Variants in SUSD1 observed in about 807,000 individuals in gnomAD.
The protein encoded by SUSD1 is sushi domain containing 1, also known as sushi domain-containing protein 1.
Under a neutral mutation model 86.9 loss-of-function variants are expected in SUSD1, and 65 were observed. The observed-to-expected ratio is 0.75, with a 90% CI of 0.61 to 0.92. The LOEUF is 0.92. Among genes scored for constraint, SUSD1 ranks in the 40% least tolerant of loss-of-function variants. The pLI, the probability that SUSD1 is intolerant of heterozygous loss-of-function variation, is 0.00. For synonymous variants in SUSD1, 346 were observed against 350.0 expected, an observed-to-expected ratio of 0.99 and a Z score of 0.13; for missense variants, 850 against 929.7, an observed-to-expected ratio of 0.91 and a Z score of 1.11.
At chr9:112,122,418 T>C (rs1334548097) in intron 6 of SUSD1, among the ~76,000 whole-genome samples, 6 of 151,996 alleles carry the variant, frequency 3.9e-5, no homozygotes, top group Admixed American at 1.3e-4. Flanking sequence ...CCTTGGCCTC[T>C]CAAAGTGCTG....
chr9:112,108,497 G>C (rs1230757479), intron 8 of SUSD1, among the ~76,000 whole-genome samples: 1 of 151,924 alleles, frequency 6.6e-6, no homozygotes, highest in Non-Finnish European at 1.5e-5. Context: ...AGAAATATGG[G>C]CTGTGCACCG....
At chr9:112,093,829 G>A (rs1830294608) in intron 10 of SUSD1, among the ~76,000 whole-genome samples, 1 of 152,346 alleles carries the variant, frequency 6.6e-6, no homozygotes, top group East Asian at 1.9e-4. Context: ...AGGAACAGAT[G>A]AGGTAGGTAG....
chr9:112,058,785 CTTTGTTTT>C, intron 13 of SUSD1, 99 bp from the exon 14 acceptor site: 2 of 1,479,526 alleles, frequency 1.4e-6, no homozygotes, highest in East Asian at 4.6e-5. Flanking sequence ...AAACCTCTTT[CTTTGTTTT>C]TTTGTTTTTT....
chr9:112,073,464 ACT>A (rs968033191), intron 12 of SUSD1, among the ~76,000 whole-genome samples: 32 of 148,206 alleles, frequency 2.2e-4, no homozygotes, highest in Admixed American at 4.0e-4. Context: ...TCTCACGCTC[ACT>A]CTCTCTCTCT....
At chr9:112,107,843 C>T (rs987331838) in intron 8 of SUSD1, among the ~76,000 whole-genome samples, 5 of 152,104 alleles carry the variant, frequency 3.3e-5, no homozygotes, top group African/African-American at 1.2e-4. Context: ...CTAAGAGGAA[C>T]AGAAAATGGC....
intron 3 of SUSD1, among the ~76,000 whole-genome samples, chr9:112,147,733 C>T (rs751625728): frequency 5.3e-5 from 8 of 152,228 alleles, no homozygotes; most frequent in Admixed American, 1.3e-4. Context: ...CATGCCACTG[C>T]ACTCCAGCCT....
At chr9:112,166,724 G>A (rs945603316) in intron 1 of SUSD1, among the ~76,000 whole-genome samples, 2 of 152,118 alleles carry the variant, frequency 1.3e-5, no homozygotes, top group African/African-American at 2.4e-5. Context: ...TGGTACCCAC[G>A]TCAAGGATGG....
rs1319074758 is a variant in SUSD1, at chr9:112,113,429, G to A, written c.887-561C>T. 6.6e-6 allele frequency among the ~76,000 whole-genome samples: 1 copy of A among 152,096 alleles called. No homozygotes were observed. The highest frequency in any genetic ancestry group is 2.4e-5 in the African/African-American group (1 of 41,412). The stretch of plus-strand genomic sequence containing the variant: ...CCTGTAACTGAAGCTATTTAATCCT[G>A]GTCTATCAGGATGCCACTGATTCCT... On this transcript the variant is annotated intron_variant, in intron 6 of 16. Transcript: ENST00000374270. The surrounding 1 kb of genome is among the most constrained non-coding windows in gnomAD (Gnocchi z 4.1).
intron 5 of SUSD1, among the ~76,000 whole-genome samples, chr9:112,132,726 T>C (rs755257005): frequency 6.6e-6 from 1 of 152,258 alleles, no homozygotes; most frequent in Non-Finnish European, 1.5e-5. Flanking sequence ...GCTTATACCC[T>C]GTATTTTTAA....
intron 10 of SUSD1, among the ~76,000 whole-genome samples, chr9:112,081,407 C>T (rs1314032756): frequency 6.6e-6 from 1 of 152,120 alleles, no homozygotes; most frequent in Non-Finnish European, 1.5e-5. Context: ...AATGTTGCAA[C>T]ACGGAGCAGG....
intron 9 of SUSD1, among the ~76,000 whole-genome samples, chr9:112,100,194 T>C (rs1830571211): frequency 6.6e-6 from 1 of 152,182 alleles, no homozygotes; most frequent in Non-Finnish European, 1.5e-5. Context: ...ATTTTTTTGT[T>C]GTTGTTTTTT....
Position 112,149,246 on chromosome 9 carries a change from G to A in SUSD1, c.371C>T (p.Thr124Ile). The A allele has an allele frequency of 6.2e-7, 1 of 1,614,060 alleles. No individual in the cohort carries two copies. The highest frequency in any genetic ancestry group is 8.5e-7 in the Non-Finnish European group (1 of 1,180,012). Residue 124 changes from threonine (T) to isoleucine (I), a missense_variant and splice_region_variant, in exon 3 of 17, where the codon ACA (threonine) becomes ATA (isoleucine). By Grantham distance (89) the Thr-to-Ile change is moderately conservative. Transcript: ENST00000374270. ...TFIPNDGTFC[T>I]DIDECEVSGL... ...ACCGCAGCCCCCTTCTTGAGTACCT[G>A]TACAAAAGGTGCCATCGTTGGGAAT...
At chr9:112,047,052 G>T (rs58747592) in intron 15 of SUSD1, among the ~76,000 whole-genome samples, 3 of 152,108 alleles carry the variant, frequency 2.0e-5, no homozygotes, top group African/African-American at 7.2e-5. Context: ...CTGCTATAAA[G>T]AACTACCTGA....
chr9:112,151,316 G>T (rs1159157850), intron 2 of SUSD1, among the ~76,000 whole-genome samples: 1 of 152,156 alleles, frequency 6.6e-6, no homozygotes, highest in Non-Finnish European at 1.5e-5. Context: ...ATCTTTCTTG[G>T]CCAGGCACGT....
intron 8 of SUSD1, among the ~76,000 whole-genome samples, chr9:112,109,241 T>G (rs1680809036): frequency 6.6e-6 from 1 of 152,192 alleles, no homozygotes; most frequent in Non-Finnish European, 1.5e-5. Flanking sequence ...TTGAGAAAGT[T>G]TTCAACTTTA....
intron 1 of SUSD1, 57 bp from the exon 2 acceptor site, chr9:112,157,670 G>T: frequency 7.0e-7 from 1 of 1,426,552 alleles, no homozygotes. Context: ...GACACATGTA[G>T]TTAGTGGACA....
rs183414326 is a variant in SUSD1, at chr9:112,087,632, A to G, written c.1475-7467T>C. Among the ~76,000 whole-genome samples, 217 of 152,318 alleles carry G rather than the reference A, an allele frequency of 1.4e-3. 1 individual carries two copies. Among genetic ancestry groups the G allele is most frequent in the African/African-American group, 5.0e-3 (206 of 41,572 alleles). On this transcript the variant is annotated intron_variant, in intron 10 of 16. Coordinates refer to ENST00000374270, the MANE Select transcript of SUSD1 (RefSeq NM_022486.5). ...ATGGTGCCTAAAGAAGGGTAGATTG[A>G]ATAAAAGGCATTGAAGAAATATAGG...
At chr9:112,056,735 T>A (rs1015950402) in intron 14 of SUSD1, among the ~76,000 whole-genome samples, 7 of 149,616 alleles carry the variant, frequency 4.7e-5, no homozygotes, top group South Asian at 2.1e-4. Flanking sequence ...TGTGTGTGTG[T>A]GAGACAGGGT....
chr9:112,129,560 A>G (rs1255500573), intron 5 of SUSD1, among the ~76,000 whole-genome samples: 1 of 152,166 alleles, frequency 6.6e-6, no homozygotes. Flanking sequence ...AAATCTGCCC[A>G]CTTCGCCCTC....
Sources: gnomAD v4.1 joint callset for allele counts (sites outside exome capture counted in the v4.1 genomes callset) on GRCh38, gnomAD v4.1.1 for gene constraint, Gnocchi (gnomAD v3.1) non-coding constraint, MANE v1.5 for transcripts, NCBI Gene and HGNC (gene_info 2026-07-23, HGNC 2026-07-21) for gene names.